MAP1B: variants seen among roughly 807,000 people sequenced by gnomAD.
The protein encoded by MAP1B is microtubule associated protein 1B.
MAP1B carries 12 observed loss-of-function variants against 176.1 expected under a neutral mutation model. The ratio of observed to expected loss-of-function variants is 0.07; its 90% CI spans 0.04 to 0.11. MAP1B has a LOEUF of 0.11. MAP1B is among the 10% of genes least tolerant of loss of function. The pLI is 1.00. For missense variants in MAP1B, 2,523 were observed against 2,990.5 expected (o/e 0.84, Z 3.65); for synonymous variants, 1,044 against 1,135.0 (o/e 0.92, Z 1.61).
intron 1 of MAP1B, among the ~76,000 whole-genome samples, chr5:72,108,518 C>G (rs1194434917): frequency 6.6e-6 from 1 of 152,234 alleles, no homozygotes; most frequent in Non-Finnish European, 1.5e-5. Flanking sequence ...AGCTCCTCGC[C>G]CGGTGCTCGC....
intron 2 of MAP1B, among the ~76,000 whole-genome samples, chr5:72,168,487 G>C (rs1438828424): frequency 6.6e-6 from 1 of 152,158 alleles, no homozygotes; most frequent in Non-Finnish European, 1.5e-5. Context: ...TATATTCCAA[G>C]TGTATATAAA....
At position 72,163,878 on chromosome 5, in the gene MAP1B, A is replaced by G. The variant is rs1262178418; in HGVS notation, c.287-19865A>G. On this transcript the variant is annotated intron_variant, in intron 2 of 6. Transcript: ENST00000296755. ...GTAACCCTGTGTTACAGGCTATATG[A>G]CTTTTTTCTTTTTTCTTTTCTTTCT... 2.9e-5 allele frequency among the ~76,000 whole-genome samples: 4 copies of G among 137,440 alleles called. No homozygotes were observed. In the East Asian group the frequency reaches 9.0e-4, roughly 31 times the overall value. The allele number at this position is 137,440 out of a possible 152,430, so 90.2% of individuals were successfully genotyped here.
chr5:72,168,719 C>T (rs986690829), intron 2 of MAP1B, among the ~76,000 whole-genome samples: 17 of 152,164 alleles, frequency 1.1e-4, no homozygotes, highest in African/African-American at 4.1e-4. Flanking sequence ...TAGAAGAGGA[C>T]AGAATTTATT....
intron 2 of MAP1B, among the ~76,000 whole-genome samples, chr5:72,133,470 T>C (rs948177316): frequency 6.6e-6 from 1 of 152,184 alleles, no homozygotes; most frequent in African/African-American, 2.4e-5. Context: ...TCAAAAACTT[T>C]CCAACCTTCT....
chr5:72,138,970 A>G (rs958391075), intron 2 of MAP1B, among the ~76,000 whole-genome samples: 28 of 152,096 alleles, frequency 1.8e-4, no homozygotes, highest in Non-Finnish European at 1.6e-4. Flanking sequence ...AAGTATACAC[A>G]TTTTCAAAAA....
In MAP1B at chr5:72,200,377, G is replaced by A. The variant is rs767534520; in HGVS notation, c.7012+10G>A. 3.1e-6 allele frequency: 5 copies of A among 1,611,326 alleles called. No individual in the cohort carries two copies. The highest frequency in any genetic ancestry group is 1.7e-4 in the Middle Eastern group (1 of 5,940). On this transcript the variant is annotated intron_variant, in intron 5 of 6. Coordinates refer to ENST00000296755, the MANE Select transcript of MAP1B (RefSeq NM_005909.5). ...AAGACCGCCACTGCAGGTAGGTTGA[G>A]AAGGCTGGGCATTGGATATATGTCA... is the stretch of plus-strand genomic sequence containing the variant.
At position 72,205,345 on chromosome 5, in the gene MAP1B, C is replaced by T; in HGVS notation, c.*106C>T. Reference sequence around the variant, plus strand: ...CAATTCATCTAGTTAAGTCGCTGAACAATTACCTGCCAAATGCTATACTGT... The same window carrying T: ...CAATTCATCTAGTTAAGTCGCTGAATAATTACCTGCCAAATGCTATACTGT... On this transcript the variant is annotated 3_prime_UTR_variant, in exon 7 of 7. Transcript: ENST00000296755. The T allele has an allele frequency of 8.9e-7, 1 of 1,125,254 alleles. No individual in the cohort carries two copies. Among genetic ancestry groups the T allele is most frequent in the Non-Finnish European group, 1.3e-6 (1 of 780,476 alleles). The allele number at this position is 1,125,254 out of a possible 1,614,324, so 69.7% of individuals were successfully genotyped here.
chr5:72,121,450 C>T (rs1745528789), intron 2 of MAP1B, among the ~76,000 whole-genome samples: 1 of 152,166 alleles, frequency 6.6e-6, no homozygotes, highest in African/African-American at 2.4e-5. Flanking sequence ...TGTATATGGG[C>T]AGTTTTGTTT....
chr5:72,183,297 T>C (rs573541725), intron 2 of MAP1B, among the ~76,000 whole-genome samples: 37 of 152,372 alleles, frequency 2.4e-4, no homozygotes, highest in Admixed American at 2.0e-3. Context: ...CTGGGGTTTC[T>C]GGATGTCATT....
intron 2 of MAP1B, among the ~76,000 whole-genome samples, chr5:72,141,373 G>A (rs1461668668): frequency 6.6e-6 from 1 of 152,224 alleles, no homozygotes; most frequent in African/African-American, 2.4e-5. Context: ...TCTTCAGCAG[G>A]TTTTTAATGG....
chr5:72,200,238 T>G lies in MAP1B; in HGVS notation c.6883T>G (p.Ser2295Ala). Residue 2295 changes from serine to alanine, a missense_variant, in exon 5 of 7, where the codon TCT becomes GCT. Coordinates refer to ENST00000296755, the MANE Select transcript of MAP1B (RefSeq NM_005909.5). ...SRVASPKKKE[S>A]VEKAAKPTTT... ...GGTGGCTTCTCCTAAGAAGAAAGAA[T>G]CTGTGGAAAAGGCAGCAAAACCCAC... is the stretch of plus-strand genomic sequence containing the variant. 2 of 1,614,034 alleles carry G rather than the reference T, an allele frequency of 1.2e-6. No homozygotes were observed. Among genetic ancestry groups the G allele is most frequent in the Non-Finnish European group, 1.7e-6 (2 of 1,180,010 alleles).
chr5:72,138,275 GAAAAATGTTCAACCTCTTT>G (rs1745873954), intron 2 of MAP1B, among the ~76,000 whole-genome samples: 1 of 152,110 alleles, frequency 6.6e-6, no homozygotes, highest in African/African-American at 2.4e-5. Flanking sequence ...ATAAACGTAT[GAAAAATGTTCAACCTCTTT>G]ATAAATTAAG....
intron 2 of MAP1B, among the ~76,000 whole-genome samples, chr5:72,122,558 C>T (rs1292114164): frequency 1.3e-5 from 2 of 152,026 alleles, no homozygotes; most frequent in East Asian, 3.8e-4. Context: ...TGGCATTTCA[C>T]TGCCATGTTC....
intron 2 of MAP1B, among the ~76,000 whole-genome samples, chr5:72,154,248 T>C (rs1184495010): frequency 6.6e-6 from 1 of 152,156 alleles, no homozygotes; most frequent in Non-Finnish European, 1.5e-5. Context: ...GAATAGGATT[T>C]AGGGCCAAGG....
intron 2 of MAP1B, among the ~76,000 whole-genome samples, chr5:72,154,118 G>T (rs12651894): frequency 0.44 from 66,212 of 151,914 alleles, 14,870 homozygotes; most frequent in African/African-American, 0.56. Flanking sequence ...ATTCCATGGG[G>T]TGTTCATTTT....
intron 2 of MAP1B, among the ~76,000 whole-genome samples, chr5:72,157,525 C>T (rs1306025914): frequency 1.3e-5 from 2 of 152,224 alleles, no homozygotes; most frequent in African/African-American, 4.8e-5. Flanking sequence ...TTCCCGGGGA[C>T]AGGGAGCCAT....
intron 1 of MAP1B, among the ~76,000 whole-genome samples, chr5:72,113,970 A>G (rs569568464): frequency 1.3e-5 from 2 of 152,372 alleles, no homozygotes; most frequent in African/African-American, 2.4e-5. Flanking sequence ...ATACTCCATT[A>G]GCACAAATGC....
At chr5:72,202,189 T>C (rs1747346780) in intron 5 of MAP1B, among the ~76,000 whole-genome samples, 1 of 152,218 alleles carries the variant, frequency 6.6e-6, no homozygotes, top group South Asian at 2.1e-4. Flanking sequence ...TGTCAGTTTG[T>C]GCTTCTGTGA....
rs981718025 is a variant in MAP1B at position 72,195,234 on chromosome 5, G to A, written c.1879G>A (p.Asp627Asn). The change falls in exon 5 of 7, where the codon GAT becomes AAT. Residue 627 changes from aspartate to asparagine, a missense_variant. By Grantham distance (23) the Asp-to-Asn change is conservative. Coordinates refer to ENST00000296755, the MANE Select transcript of MAP1B (RefSeq NM_005909.5). ...CGAGGTGGCTGAGAAGCAAGCCACAGATGTCAAACCCAAAGCTGCCAAGGA... is the reference window on the plus strand; with the variant it reads ...CGAGGTGGCTGAGAAGCAAGCCACAAATGTCAAACCCAAAGCTGCCAAGGA... The part of the protein sequence containing the change: ...KAEVAEKQAT[D>N]VKPKAAKEKT... 5.6e-6 allele frequency: 9 copies of A among 1,613,790 alleles called. No homozygotes were observed. In the African/African-American group the frequency reaches 1.1e-4, roughly 19 times the overall value.
Sources: allele counts gnomAD v4.1 joint callset (sites outside exome capture counted in the v4.1 genomes callset), GRCh38; gene constraint gnomAD v4.1.1; transcripts MANE v1.5; gene names NCBI Gene and HGNC (gene_info 2026-07-23, HGNC 2026-07-21).